MTMR12: variants seen among roughly 807,000 people sequenced by gnomAD.
MTMR12 encodes the protein myotubularin-related protein 12.
MTMR12 carries 33 observed loss-of-function variants against 96.7 expected under a neutral mutation model. The observed-to-expected ratio is 0.34, with a 90% CI of 0.26 to 0.46. The LOEUF (loss-of-function observed/expected upper bound fraction) is 0.46, where lower values mean the gene tolerates loss of function less well. Among genes scored for constraint, MTMR12 ranks in the 20% least tolerant of loss-of-function variants. The pLI, the probability that MTMR12 is intolerant of heterozygous loss-of-function variation, is 1.00. For synonymous variants in MTMR12, 298 were observed against 327.2 expected (o/e 0.91, Z 0.96); for missense variants, 721 against 896.1 (o/e 0.80, Z 2.49).
intron 1 of MTMR12, among the ~76,000 whole-genome samples, chr5:32,302,436 G>A (rs1197011613): frequency 2.0e-5 from 3 of 151,954 alleles, no homozygotes; most frequent in Non-Finnish European, 4.4e-5. Flanking sequence ...TAGGAAAGAG[G>A]GGCTGGGTAC....
intron 8 of MTMR12, among the ~76,000 whole-genome samples, chr5:32,249,663 G>A (rs1366499641): frequency 6.6e-6 from 1 of 152,210 alleles, no homozygotes; most frequent in Non-Finnish European, 1.5e-5. Context: ...TCACACGAGT[G>A]ACCAACAGTG....
At chr5:32,283,004 C>G (rs1750366468) in intron 1 of MTMR12, among the ~76,000 whole-genome samples, 1 of 152,214 alleles carries the variant, frequency 6.6e-6, no homozygotes, top group Non-Finnish European at 1.5e-5. Flanking sequence ...TGGATACCAA[C>G]AAGGTACGAG....
At chr5:32,252,748 A>C (rs761624927) in intron 8 of MTMR12, among the ~76,000 whole-genome samples, 8 of 152,248 alleles carry the variant, frequency 5.3e-5, no homozygotes, top group Non-Finnish European at 1.2e-4. Flanking sequence ...CCACCCAAAA[A>C]CACATAGGAA....
At chr5:32,259,256 G>C (rs1749264918) in intron 7 of MTMR12, among the ~76,000 whole-genome samples, 1 of 152,216 alleles carries the variant, frequency 6.6e-6, no homozygotes, top group South Asian at 2.1e-4. Flanking sequence ...TCCTGTGCCA[G>C]CAACAGCTCC....
At position 32,248,830 on chromosome 5, in the gene MTMR12, C is replaced by T. The variant is rs199600470; in HGVS notation, c.838G>A (p.Ala280Thr). The T allele has an allele frequency of 5.6e-6, 9 of 1,614,150 alleles. No homozygotes were observed. The African/African-American group carries it at 1.2e-4, about 22-fold the overall frequency. The change falls in exon 9 of 16, where the codon GCA becomes ACA. Residue 280 changes from alanine to threonine, a missense_variant. Coordinates refer to ENST00000382142, the MANE Select transcript of MTMR12 (RefSeq NM_001040446.3). ...HNGSALLKMS[A>T]LPKEQDDGIL... ...CCGTCATCCTGTTCTTTGGGCAGTG[C>T]TGACATTTTCAAAAGGGCACTTCCA... is the stretch of plus-strand genomic sequence containing the variant.
chr5:32,300,457 C>T (rs116775689), intron 1 of MTMR12, among the ~76,000 whole-genome samples: 2,912 of 152,254 alleles, frequency 0.019, 48 homozygotes, highest in Non-Finnish European at 0.027. Context: ...CACCTTGTTT[C>T]CATCCCCAGA....
rs1395078585 is a variant in MTMR12 at position 32,248,894 on chromosome 5, A to C, written c.790-16T>G. The C allele has an allele frequency of 6.3e-7, 1 of 1,594,228 alleles. No individual in the cohort carries two copies. The highest frequency in any genetic ancestry group is 2.2e-5 in the East Asian group (1 of 44,778). Reference sequence around the variant, plus strand: ...AACACCATATCTGTAGAAACAAATAAAGCTTTACCAGATACAATAAACACA... The same window carrying C: ...AACACCATATCTGTAGAAACAAATACAGCTTTACCAGATACAATAAACACA... On this transcript the variant is annotated splice_polypyrimidine_tract_variant and intron_variant, in intron 8 of 15. Transcript: ENST00000382142.
intron 1 of MTMR12, among the ~76,000 whole-genome samples, chr5:32,286,950 C>A (rs1316323815): frequency 1.3e-5 from 2 of 152,186 alleles, no homozygotes; most frequent in African/African-American, 4.8e-5. Context: ...GAACACAACA[C>A]ACAGCACCTA....
At chr5:32,267,882 G>A (rs977475076) in intron 6 of MTMR12, among the ~76,000 whole-genome samples, 7 of 151,812 alleles carry the variant, frequency 4.6e-5, no homozygotes, top group Admixed American at 2.0e-4. Flanking sequence ...TTGCCAGGCC[G>A]GAGTGCAGTG....
chr5:32,234,633 T>C (rs1269445618), intron 14 of MTMR12: 2 of 169,724 alleles, frequency 1.2e-5, no homozygotes, highest in Non-Finnish European at 2.5e-5. Flanking sequence ...GAGTTACTTA[T>C]CCTTTTTTTG....
intron 1 of MTMR12, chr5:32,296,518 G>C (rs1171512077): frequency 5.9e-6 from 2 of 337,044 alleles, no homozygotes; most frequent in Admixed American, 6.1e-5. Context: ...TAATTGGCTG[G>C]GCATGGCGAT....
chr5:32,298,643 A>C (rs1048128169), intron 1 of MTMR12, among the ~76,000 whole-genome samples: 6 of 152,098 alleles, frequency 3.9e-5, no homozygotes, highest in Admixed American at 1.3e-4. Context: ...ACACACTTAG[A>C]GTGCCAGAGA....
intron 1 of MTMR12, among the ~76,000 whole-genome samples, chr5:32,311,738 T>C (rs557551920): frequency 1.3e-5 from 2 of 152,238 alleles, no homozygotes; most frequent in South Asian, 2.1e-4. Context: ...CATGGGCCTC[T>C]GCCATGCTGG....
chr5:32,271,942 G>A, intron 3 of MTMR12, 37 bp from the exon 4 acceptor site: 1 of 1,251,248 alleles, frequency 8.0e-7, no homozygotes, highest in Non-Finnish European at 1.1e-6. Flanking sequence ...TGACTCCTCT[G>A]CATACTGTTA....
intron 1 of MTMR12, among the ~76,000 whole-genome samples, chr5:32,278,944 T>C (rs1339481572): frequency 6.6e-6 from 1 of 150,826 alleles, no homozygotes; most frequent in African/African-American, 2.4e-5. Context: ...GGGGTGTTGG[T>C]GCATGCCTGT....
chr5:32,301,876 CA>C, intron 1 of MTMR12, among the ~76,000 whole-genome samples: 1 of 150,942 alleles, frequency 6.6e-6, no homozygotes, highest in Non-Finnish European at 1.5e-5. Flanking sequence ...TACTCCATCT[CA>C]AAAAATAATA....
At chr5:32,301,239 A>G (rs971840966) in intron 1 of MTMR12, among the ~76,000 whole-genome samples, 1 of 152,226 alleles carries the variant, frequency 6.6e-6, no homozygotes, top group Non-Finnish European at 1.5e-5. Flanking sequence ...GAAGGCACAA[A>G]GTATAAACAC....
rs768436486 is a variant in MTMR12, at chr5:32,312,744, C to T, written c.81+14G>A. Reference sequence around the variant, plus strand: ...GCCCCTGCCCGACGCCCCGCCTGCGCGGCGCCCCCTCACCTCAGGGCGTAC... The same window carrying T: ...GCCCCTGCCCGACGCCCCGCCTGCGTGGCGCCCCCTCACCTCAGGGCGTAC... On this transcript the variant is annotated intron_variant, in intron 1 of 15. Transcript: ENST00000382142. The surrounding 1 kb of genome is among the most constrained non-coding windows in gnomAD (Gnocchi z 5.0). 3 of 1,501,104 alleles carry T rather than the reference C, an allele frequency of 2.0e-6. No homozygotes were observed. Among genetic ancestry groups the T allele is most frequent in the East Asian group, 5.6e-5 (2 of 35,768 alleles). 93.0% of individuals were successfully genotyped at this position (1,501,104 alleles called of 1,614,324 possible).
intron 3 of MTMR12, among the ~76,000 whole-genome samples, chr5:32,272,365 T>C (rs530964077): frequency 6.6e-6 from 1 of 152,142 alleles, no homozygotes; most frequent in South Asian, 2.1e-4. Flanking sequence ...CGATGAAGTA[T>C]GTGAGAAAAG....
Sources: gnomAD v4.1 joint callset for allele counts (sites outside exome capture counted in the v4.1 genomes callset) on GRCh38, gnomAD v4.1.1 for gene constraint, Gnocchi (gnomAD v3.1) non-coding constraint, MANE v1.5 for transcripts, NCBI Gene and HGNC (gene_info 2026-07-23, HGNC 2026-07-21) for gene names.